MRE11: variants seen among roughly 807,000 people sequenced by gnomAD.
MRE11 encodes double-strand break repair protein MRE11.
A neutral mutation model predicts 91.7 loss-of-function variants in MRE11; 62 were observed. The observed-to-expected ratio is 0.68, with a 90% CI of 0.55 to 0.84. MRE11 has a LOEUF of 0.84. MRE11 is among the 40% of genes least tolerant of loss of function. The probability of loss-of-function intolerance (pLI) is 0.00; values close to 1 mark genes in which losing one functional copy is unlikely to be tolerated. For synonymous variants in MRE11, 273 were observed against 271.4 expected (o/e 1.01, Z -0.06); for missense variants, 796 against 852.9 (o/e 0.93, Z 0.83).
intron 18 of MRE11, among the ~76,000 whole-genome samples, chr11:94,432,342 T>C (rs554478928): frequency 2.6e-5 from 4 of 152,350 alleles, no homozygotes; most frequent in South Asian, 4.1e-4. Flanking sequence ...ATTTTTCTCA[T>C]GTCTTTATTG....
chr11:94,493,238 T>C (rs996819619), intron 1 of MRE11, among the ~76,000 whole-genome samples: 1 of 152,104 alleles, frequency 6.6e-6, no homozygotes, highest in African/African-American at 2.4e-5. Context: ...ACTCTAGATG[T>C]GCAGATATTT....
At chr11:94,499,787 G>C in the MRE11 span, among the ~76,000 whole-genome samples, 1 of 152,080 alleles carries the variant, frequency 6.6e-6, no homozygotes, top group South Asian at 2.1e-4. Flanking sequence ...TAAACCAGTT[G>C]CTCTTTACTT....
At chr11:94,496,772 C>T (rs577795697), upstream of MRE11, 1 of 1,613,766 alleles carries the variant, frequency 6.2e-7, no homozygotes, top group African/African-American at 1.3e-5. Flanking sequence ...CTTTAACCAA[C>T]TTGAATTGTT....
chr11:94,437,243 GA>G lies in MRE11; in HGVS notation c.1868-9del, dbSNP rs770953646. The G allele has an allele frequency of 5.1e-5, 82 of 1,611,150 alleles. 3 individuals carry two copies. The East Asian group carries it at 9.4e-4, about 18-fold the overall frequency. ...GTCTTGTAGATTTAAAGGCTAGAAT[GA>G]AAAAGATGAAATGTGCATTATGTTA... On this transcript the variant is annotated splice_polypyrimidine_tract_variant and intron_variant, in intron 16 of 19. Transcript: ENST00000323929.
At chr11:94,439,513 T>C (rs926959431) in intron 16 of MRE11, among the ~76,000 whole-genome samples, 2 of 152,230 alleles carry the variant, frequency 1.3e-5, no homozygotes, top group African/African-American at 4.8e-5. Context: ...ACAGCTATCA[T>C]CTGTCGCATT....
intron 14 of MRE11, among the ~76,000 whole-genome samples, chr11:94,451,045 G>C (rs947916793): frequency 6.9e-6 from 1 of 144,828 alleles, no homozygotes; most frequent in African/African-American, 2.7e-5. Flanking sequence ...TATACTTTGG[G>C]AGGCCAAGTC....
Position 94,419,453 on chromosome 11 carries a change from C to CGG in MRE11, c.*670_*671dup, listed in dbSNP as rs1165912193. The CGG allele has an allele frequency of 1.2e-5, 2 of 173,136 alleles. No homozygotes were observed. The highest frequency in any genetic ancestry group is 3.3e-5 in the African/African-American group (1 of 30,218). The allele number at this position is 173,136 out of a possible 1,614,324, so 10.7% of individuals were successfully genotyped here. ...CAAAGGAGAAAGGAAGAGTGGGGAA[C>CGG]GGGGGGGAGAGGGAGAGAGAGAGAG... On this transcript the variant is annotated 3_prime_UTR_variant, in exon 20 of 20. Coordinates refer to ENST00000323929, the MANE Select transcript of MRE11 (RefSeq NM_005591.4).
At chr11:94,440,473 C>T (rs971718345) in intron 16 of MRE11, among the ~76,000 whole-genome samples, 2 of 151,582 alleles carry the variant, frequency 1.3e-5, no homozygotes, top group Non-Finnish European at 2.9e-5. Flanking sequence ...GAGCTGATCA[C>T]ATACCAAGGA....
At chr11:94,501,184 A>G in the MRE11 span, among the ~76,000 whole-genome samples, 1 of 152,238 alleles carries the variant, frequency 6.6e-6, no homozygotes, top group Non-Finnish European at 1.5e-5. Context: ...GATTAAGTGT[A>G]GCTGATTGAT....
chr11:94,445,139 G>C (rs1044900627), intron 16 of MRE11, among the ~76,000 whole-genome samples: 15 of 152,236 alleles, frequency 9.9e-5, no homozygotes, highest in African/African-American at 3.4e-4. Context: ...GGAAAGCAGA[G>C]ACTGACAGGG....
At chr11:94,447,780 G>A (rs1945979850) in intron 14 of MRE11, among the ~76,000 whole-genome samples, 1 of 151,868 alleles carries the variant, frequency 6.6e-6, no homozygotes, top group African/African-American at 2.4e-5. Flanking sequence ...AGGCTGCAGT[G>A]AGCTATGATC....
At chr11:94,482,458 C>T (rs1389586546) in intron 4 of MRE11, among the ~76,000 whole-genome samples, 1 of 152,080 alleles carries the variant, frequency 6.6e-6, no homozygotes, top group Non-Finnish European at 1.5e-5. Context: ...ACTGACACTC[C>T]ATGAAAAAAC....
chr11:94,455,843 G>A (rs904731183), intron 14 of MRE11, among the ~76,000 whole-genome samples: 17 of 152,000 alleles, frequency 1.1e-4, no homozygotes, highest in African/African-American at 3.6e-4. Flanking sequence ...AGTAATAGGG[G>A]CTTTTGTTGT....
the MRE11 span, among the ~76,000 whole-genome samples, chr11:94,507,806 C>A: frequency 6.6e-6 from 1 of 151,718 alleles, no homozygotes; most frequent in African/African-American, 2.4e-5. Flanking sequence ...AGTGCTTCAT[C>A]TTTCTCCATT....
chr11:94,462,998 A>T (rs994594591), intron 11 of MRE11, among the ~76,000 whole-genome samples: 4 of 152,240 alleles, frequency 2.6e-5, no homozygotes, highest in Admixed American at 6.5e-5. Flanking sequence ...CAGGCAACCT[A>T]CAGAATGGGA....
intron 10 of MRE11, among the ~76,000 whole-genome samples, chr11:94,465,901 AACTG>A (rs994118955): frequency 6.6e-6 from 1 of 152,192 alleles, no homozygotes; most frequent in Non-Finnish European, 1.5e-5. Flanking sequence ...GAAATTCACA[AACTG>A]ACTGGGAAGA....
At chr11:94,425,243 C>A (rs1945280963) in intron 19 of MRE11, among the ~76,000 whole-genome samples, 1 of 152,262 alleles carries the variant, frequency 6.6e-6, no homozygotes, top group East Asian at 1.9e-4. Flanking sequence ...TCATATCCCA[C>A]CAAACTAAGC....
intron 14 of MRE11, 75 bp downstream of exon 14, chr11:94,456,201 T>G: frequency 7.1e-7 from 1 of 1,413,348 alleles, no homozygotes; most frequent in African/African-American, 1.4e-5. Context: ...GACTGACTAT[T>G]CTAACTAAAC....
chr11:94,425,339 C>T (rs926198025), intron 19 of MRE11, among the ~76,000 whole-genome samples: 1 of 152,064 alleles, frequency 6.6e-6, no homozygotes, highest in African/African-American at 2.4e-5. Context: ...TACAAGAGGT[C>T]CTTAATAGAG....
Sources: gnomAD v4.1 joint callset for allele counts (sites outside exome capture counted in the v4.1 genomes callset) on GRCh38, gnomAD v4.1.1 for gene constraint, MANE v1.5 for transcripts, NCBI Gene and HGNC (gene_info 2026-07-23, HGNC 2026-07-21) for gene names.